VGLL3: variants seen among roughly 807,000 people sequenced by gnomAD.
VGLL3 encodes vestigial like family member 3, also known as transcription cofactor vestigial-like protein 3.
In VGLL3, 18 loss-of-function variants were observed where a neutral mutation model predicts 29.2. That is an observed-to-expected ratio of 0.62 (90% confidence interval 0.43 to 0.91). VGLL3 has a LOEUF of 0.91. Among genes scored for constraint, VGLL3 ranks in the 40% least tolerant of loss-of-function variants. The pLI, the probability that VGLL3 is intolerant of heterozygous loss-of-function variation, is 0.00. For missense variants in VGLL3, 440 were observed against 413.2 expected (o/e 1.06, Z -0.56); for synonymous variants, 180 against 151.8 (o/e 1.19, Z -1.36).
At position 86,978,611 on chromosome 3, in the gene VGLL3, G is replaced by A; in HGVS notation, c.318C>T (p.Phe106=). 1 of 1,614,158 alleles carries A rather than the reference G, an allele frequency of 6.2e-7. No individual in the cohort carries two copies. Among genetic ancestry groups the A allele is most frequent in the Non-Finnish European group, 8.5e-7 (1 of 1,180,022 alleles). ...GDIGSVVDEH[F]SRALGQAITL... is the part of the protein sequence containing the mutation. ...TGATGGCTTGGCCCAAAGCTCTTGA[G>A]AAGTGTTCATCCACTACTGACCCAA... Residue 106 remains phenylalanine (F), a synonymous_variant, in exon 2 of 4, where the codon TTC becomes TTT. Coordinates refer to ENST00000398399, the MANE Select transcript of VGLL3 (RefSeq NM_016206.4).
At chr3:86,981,451 A>C (rs1223507750) in intron 1 of VGLL3, among the ~76,000 whole-genome samples, 5 of 151,984 alleles carry the variant, frequency 3.3e-5, no homozygotes, top group Non-Finnish European at 7.4e-5. Context: ...TTTTAGAAAA[A>C]GAATTCTCTC....
intron 3 of VGLL3, chr3:86,962,593 C>A: frequency 5.2e-6 from 5 of 957,664 alleles, no homozygotes; most frequent in Non-Finnish European, 6.2e-6. Flanking sequence ...TTAAAAATTG[C>A]ATATATATGC....
At chr3:86,949,470 A>C (rs1575858854) in intron 3 of VGLL3, among the ~76,000 whole-genome samples, 1 of 152,142 alleles carries the variant, frequency 6.6e-6, no homozygotes, top group East Asian at 1.9e-4. Flanking sequence ...CAAAATAGGC[A>C]TATGTAAAGC....
chr3:86,971,938 A>C (rs1318613063), intron 2 of VGLL3, among the ~76,000 whole-genome samples: 3 of 152,164 alleles, frequency 2.0e-5, no homozygotes, highest in African/African-American at 7.2e-5. Context: ...GAGGGGCTAG[A>C]ATCCTATTAT....
chr3:86,972,641 A>G (rs539832923), intron 2 of VGLL3, among the ~76,000 whole-genome samples: 6 of 152,302 alleles, frequency 3.9e-5, no homozygotes, highest in Admixed American at 3.9e-4. Context: ...GATGAAGAAG[A>G]CATATGAAAA....
intron 2 of VGLL3, among the ~76,000 whole-genome samples, chr3:86,976,927 T>C (rs1222807371): frequency 6.6e-6 from 1 of 152,236 alleles, no homozygotes; most frequent in Admixed American, 6.5e-5. Flanking sequence ...TCTAACTCAC[T>C]AATGTTTTCC....
intron 2 of VGLL3, among the ~76,000 whole-genome samples, chr3:86,976,036 C>T (rs1256817507): frequency 1.3e-5 from 2 of 152,020 alleles, no homozygotes; most frequent in African/African-American, 4.8e-5. Context: ...ATCGCTGGAA[C>T]TGGGGAGGCG....
chr3:86,957,250 G>A (rs1005702435), intron 3 of VGLL3, among the ~76,000 whole-genome samples: 2 of 152,106 alleles, frequency 1.3e-5, no homozygotes, highest in Admixed American at 6.6e-5. Context: ...TCACTGCACG[G>A]CCAATATCAG....
chr3:86,981,725 T>C (rs1183484547), intron 1 of VGLL3, among the ~76,000 whole-genome samples: 1 of 152,174 alleles, frequency 6.6e-6, no homozygotes, highest in Non-Finnish European at 1.5e-5. Flanking sequence ...AGCTTCTATC[T>C]ACCCATAGGC....
At chr3:86,962,177 G>A (rs565449715) in intron 3 of VGLL3, 104 of 985,332 alleles carry the variant, frequency 1.1e-4, no homozygotes, top group African/African-American at 8.7e-4. Flanking sequence ...CATTTTTCAC[G>A]TGGAGGGCAA....
Position 86,978,725 on chromosome 3 carries a change from C to T in VGLL3, c.204G>A (p.Glu68=), listed in dbSNP as rs759137798. ...TLPSKQEEED[E]EEEEEEKDQP... ...GGTCTTTCTCCTCCTCCTCCTCCTC[C>T]TCATCCTCCTCCTCTTGTTTGCTGG... Residue 68 remains glutamate, a synonymous_variant, in exon 2 of 4, where the codon GAG becomes GAA. Transcript: ENST00000398399. 1.1e-5 allele frequency: 18 copies of T among 1,613,784 alleles called. No individual in the cohort carries two copies. Among genetic ancestry groups the T allele is most frequent in the Non-Finnish European group, 1.3e-5 (15 of 1,179,920 alleles).
At position 86,968,987 on chromosome 3, in the gene VGLL3, A is replaced by T; in HGVS notation, c.540T>A (p.Ser180=). The T allele has an allele frequency of 1.2e-6, 2 of 1,614,176 alleles. No individual in the cohort carries two copies. The highest frequency in any genetic ancestry group is 1.7e-6 in the Non-Finnish European group (2 of 1,180,020). Residue 180 remains serine (S), a synonymous_variant, in exon 3 of 4, where the codon TCT becomes TCA. Coordinates refer to ENST00000398399, the MANE Select transcript of VGLL3 (RefSeq NM_016206.4). ...FQVTGPPGTF[S]AADPSPWPGH... ...CCGGCCAAGGACTGGGATCAGCTGC[A>T]GAAAAGGTGCCAGGGGGTCCAGTGA...
At chr3:86,987,283 A>G (rs1174330039) in intron 1 of VGLL3, among the ~76,000 whole-genome samples, 1 of 152,222 alleles carries the variant, frequency 6.6e-6, no homozygotes, top group African/African-American at 2.4e-5. Flanking sequence ...AGCAGAGTCC[A>G]GAGAGAGTTT....
intron 1 of VGLL3, among the ~76,000 whole-genome samples, chr3:86,987,191 AG>A (rs1445559674): frequency 2.0e-5 from 3 of 152,200 alleles, no homozygotes; most frequent in Admixed American, 2.0e-4. Flanking sequence ...ACTTGTAAAA[AG>A]AAGAGTTGAA....
rs1353835918 is a variant in VGLL3 at position 86,978,446 on chromosome 3, A to C, written c.403+80T>G. On this transcript the variant is annotated intron_variant, in intron 2 of 3. Transcript: ENST00000398399. ...CAAGTGGATATCCATCCTCAGGGGC[A>C]AGTCTCCAGCTGGAACCTGGTACAG... is the stretch of plus-strand genomic sequence containing the variant. 3.4e-6 allele frequency: 5 copies of C among 1,485,418 alleles called. No individual in the cohort carries two copies. The Admixed American group carries it at 1.0e-4, about 31-fold the overall frequency. 92.0% of individuals were successfully genotyped at this position (1,485,418 alleles called of 1,614,324 possible). A position where few individuals can be genotyped will look rare whatever the true frequency, so the allele number is the denominator to read the frequency against.
intron 3 of VGLL3, among the ~76,000 whole-genome samples, chr3:86,949,921 T>C (rs1704583962): frequency 6.6e-6 from 1 of 151,808 alleles, no homozygotes; most frequent in South Asian, 2.1e-4. Context: ...ATTGGAAAAA[T>C]TAAGAGTCAA....
chr3:86,981,992 G>A (rs1382294403), intron 1 of VGLL3, among the ~76,000 whole-genome samples: 1 of 152,082 alleles, frequency 6.6e-6, no homozygotes, highest in Non-Finnish European at 1.5e-5. Context: ...CATTAAGTGC[G>A]ATCATGAGGA....
chr3:86,966,769 GTGTGTATATATATATATATATATATA>G (rs1704968524), intron 3 of VGLL3, among the ~76,000 whole-genome samples: 1 of 65,824 alleles, frequency 1.5e-5, no homozygotes, highest in African/African-American at 5.3e-5. Context: ...AATAGTGTGT[GTGTGTATATATATATATATATATATA>G]TATATATATA....
intron 2 of VGLL3, among the ~76,000 whole-genome samples, chr3:86,969,955 C>T (rs1705058555): frequency 6.6e-6 from 1 of 152,030 alleles, no homozygotes; most frequent in Non-Finnish European, 1.5e-5. Flanking sequence ...GCCAGGTGGC[C>T]TAAATGGCCA....
Sources: allele counts gnomAD v4.1 joint callset (sites outside exome capture counted in the v4.1 genomes callset), GRCh38; gene constraint gnomAD v4.1.1; transcripts MANE v1.5; gene names NCBI Gene and HGNC (gene_info 2026-07-23, HGNC 2026-07-21).